PIK3C3: variants seen among roughly 807,000 people sequenced by gnomAD.
The protein encoded by PIK3C3 is PI3-kinase type 3.
PIK3C3 carries 95 observed loss-of-function variants against 126.1 expected under a neutral mutation model. The observed-to-expected ratio is 0.75, with a 90% CI of 0.64 to 0.89. The LOEUF (loss-of-function observed/expected upper bound fraction) is 0.89. Ranked by LOEUF, PIK3C3 falls within the 40% of genes least tolerant of loss-of-function variation. The probability of loss-of-function intolerance (pLI) is 0.00; values close to 1 mark genes in which losing one functional copy is unlikely to be tolerated. For missense variants in PIK3C3, 829 were observed against 1,063.2 expected (o/e 0.78, Z 3.06); for synonymous variants, 374 against 360.0 (o/e 1.04, Z -0.44).
At chr18:41,993,447 G>A (rs183539119) in intron 7 of PIK3C3, 106 bp downstream of exon 7, 29 of 682,778 alleles carry the variant, frequency 4.2e-5, no homozygotes, top group Middle Eastern at 5.6e-4. Context: ...AACTGCCTCC[G>A]TTACCTAAAA....
At chr18:41,969,953 AT>A (rs1980571864) in intron 3 of PIK3C3, among the ~76,000 whole-genome samples, 1 of 152,324 alleles carries the variant, frequency 6.6e-6, no homozygotes, top group South Asian at 2.1e-4. Context: ...AATTATTTAA[AT>A]TTTGATTTTA....
chr18:42,069,995 C>T (rs1003098195), intron 24 of PIK3C3, among the ~76,000 whole-genome samples: 3 of 152,138 alleles, frequency 2.0e-5, no homozygotes, highest in African/African-American at 4.8e-5. Context: ...TGGCTTCACT[C>T]CTTCAGCTGT....
At chr18:41,977,560 A>G (rs756975991) in intron 4 of PIK3C3, among the ~76,000 whole-genome samples, 21 of 151,690 alleles carry the variant, frequency 1.4e-4, no homozygotes, top group Admixed American at 5.9e-4. Flanking sequence ...CAGTGGTGCA[A>G]TCTCGGCTCA....
intron 24 of PIK3C3, among the ~76,000 whole-genome samples, chr18:42,078,383 CAAAAAAAAAAAAA>C (rs60269462): frequency 6.9e-5 from 5 of 72,844 alleles, no homozygotes; most frequent in African/African-American, 2.1e-4. Flanking sequence ...GACTCTGTCT[CAAAAAAAAAAAAA>C]AAAAAAAAAA....
chr18:42,023,792 A>G lies in PIK3C3; in HGVS notation c.1484+3087A>G, dbSNP rs1983432846. ...TTAAATGCTTCTCTAAGCCTACTCT[A>G]TTATAACAAATGTATTAAAATAGAA... is the stretch of plus-strand genomic sequence containing the variant. On this transcript the variant is annotated intron_variant, in intron 13 of 24. Coordinates refer to ENST00000262039, the MANE Select transcript of PIK3C3 (RefSeq NM_002647.4). Among the ~76,000 whole-genome samples, 5 of 152,358 alleles carry G rather than the reference A, an allele frequency of 3.3e-5. No individual in the cohort carries two copies. In the South Asian group the frequency reaches 1.0e-3, roughly 32 times the overall value.
intron 10 of PIK3C3, 127 bp from the exon 11 acceptor site, chr18:42,013,315 C>T: frequency 1.6e-6 from 1 of 607,938 alleles, no homozygotes. Flanking sequence ...GGTGACGTGC[C>T]AAAAGTAATA....
At chr18:42,026,419 A>G (rs1221936239) in intron 13 of PIK3C3, 1 of 152,132 alleles carries the variant, frequency 6.6e-6, no homozygotes. Flanking sequence ...CGTTTTATAC[A>G]TCTGTGTGCA....
intron 2 of PIK3C3, among the ~76,000 whole-genome samples, chr18:41,960,406 T>C (rs1226045601): frequency 6.6e-6 from 1 of 151,564 alleles, no homozygotes; most frequent in East Asian, 1.9e-4. Context: ...GAGAGACATA[T>C]AATACAATCT....
intron 4 of PIK3C3, among the ~76,000 whole-genome samples, chr18:41,974,840 C>T (rs1034499403): frequency 1.3e-5 from 2 of 152,080 alleles, no homozygotes; most frequent in Non-Finnish European, 2.9e-5. Flanking sequence ...GACTACCAAG[C>T]TTTAGTGTTT....
chr18:41,975,162 G>A (rs1377422816), intron 4 of PIK3C3, among the ~76,000 whole-genome samples: 1 of 152,284 alleles, frequency 6.6e-6, no homozygotes, highest in Middle Eastern at 3.4e-3. Context: ...GCGTCACTGT[G>A]GGTCCAGGGT....
intron 20 of PIK3C3, among the ~76,000 whole-genome samples, chr18:42,046,642 C>A (rs1323296825): frequency 6.6e-6 from 1 of 152,044 alleles, no homozygotes; most frequent in Non-Finnish European, 1.5e-5. Flanking sequence ...ACATCAATTT[C>A]CCTAAAAATT....
intron 9 of PIK3C3, among the ~76,000 whole-genome samples, chr18:42,001,495 A>G (rs1982288188): frequency 6.6e-6 from 1 of 152,178 alleles, no homozygotes; most frequent in African/African-American, 2.4e-5. Context: ...AAGCATCTTT[A>G]AAAGACCTAG....
intron 4 of PIK3C3, among the ~76,000 whole-genome samples, chr18:41,986,441 A>G (rs369814348): frequency 6.6e-6 from 1 of 152,114 alleles, no homozygotes; most frequent in East Asian, 1.9e-4. Flanking sequence ...ATGAAATAAT[A>G]CCACCTGTTA....
intron 23 of PIK3C3, among the ~76,000 whole-genome samples, chr18:42,065,630 C>T (rs911855020): frequency 2.6e-5 from 4 of 152,214 alleles, no homozygotes; most frequent in South Asian, 2.1e-4. Context: ...TAGATCTTCT[C>T]ATATGTCTCC....
At chr18:42,065,756 C>G (rs1985511128) in intron 23 of PIK3C3, among the ~76,000 whole-genome samples, 1 of 152,020 alleles carries the variant, frequency 6.6e-6, no homozygotes, top group Non-Finnish European at 1.5e-5. Context: ...TTTACAATAG[C>G]CTTAAGTATT....
chr18:42,034,817 G>T (rs951510838), intron 16 of PIK3C3, among the ~76,000 whole-genome samples: 4 of 152,134 alleles, frequency 2.6e-5, no homozygotes, highest in African/African-American at 9.7e-5. Flanking sequence ...TTAAGAAAGG[G>T]CTCATAGAAC....
At chr18:42,072,136 TA>T (rs1003632448) in intron 24 of PIK3C3, among the ~76,000 whole-genome samples, 1 of 152,240 alleles carries the variant, frequency 6.6e-6, no homozygotes, top group African/African-American at 2.4e-5. Flanking sequence ...GACTGGCATC[TA>T]TTTTTTTGTC....
intron 24 of PIK3C3, among the ~76,000 whole-genome samples, chr18:42,070,151 A>G (rs907313849): frequency 2.0e-5 from 3 of 152,238 alleles, no homozygotes; most frequent in Non-Finnish European, 4.4e-5. Context: ...GCTCTACAGC[A>G]TGGTGACTGA....
intron 22 of PIK3C3, 149 bp from the exon 23 acceptor site, chr18:42,064,591 T>A (rs986259727): frequency 1.7e-6 from 1 of 571,892 alleles, no homozygotes; most frequent in Middle Eastern, 4.8e-4. Flanking sequence ...GGCTTGCATT[T>A]CATTGATACC....
Sources: allele counts gnomAD v4.1 joint callset (sites outside exome capture counted in the v4.1 genomes callset), GRCh38; gene constraint gnomAD v4.1.1; transcripts MANE v1.5; gene names NCBI Gene and HGNC (gene_info 2026-07-23, HGNC 2026-07-21).